Variants in NHSL2 observed in about 807,000 individuals in gnomAD.
NHSL2 encodes the protein NHS like 2.
In NHSL2, 27 loss-of-function variants were observed where a neutral mutation model predicts 53.4. That is an observed-to-expected ratio of 0.51 (90% confidence interval 0.37 to 0.70). NHSL2 has a LOEUF of 0.70. Ranked by LOEUF, NHSL2 falls within the 30% of genes least tolerant of loss-of-function variation. The pLI is 0.00. For synonymous variants in NHSL2, 408 were observed against 404.1 expected (o/e 1.01, Z -0.12); for missense variants, 892 against 980.1 (o/e 0.91, Z 1.20).
At chrX:71,991,818 TTCTCTCTCTCTC>T (rs59851052) in intron 1 of NHSL2, among the ~76,000 whole-genome samples, 8 of 99,855 alleles carry the variant, frequency 8.0e-5, no homozygotes, top group Non-Finnish European at 1.4e-4. Flanking sequence ...GTCTTTCTCT[TTCTCTCTCTCTC>T]TCTCTCTCTC....
intron 1 of NHSL2, among the ~76,000 whole-genome samples, chrX:71,939,173 G>A (rs1445410604): frequency 9.0e-6 from 1 of 111,510 alleles, no homozygotes; most frequent in Admixed American, 9.5e-5. Flanking sequence ...AGGTGGGAAG[G>A]AAGGAAGTTG....
At chrX:72,008,245 C>G (rs958520364) in intron 1 of NHSL2, among the ~76,000 whole-genome samples, 2 of 112,866 alleles carry the variant, frequency 1.8e-5, no homozygotes, top group Non-Finnish European at 3.7e-5. Flanking sequence ...TGACCCACGT[C>G]CCTATCTGCT....
At chrX:72,132,298 G>A in intron 2 of NHSL2, 64 bp downstream of exon 2, 2 of 1,013,866 alleles carry the variant, frequency 2.0e-6, no homozygotes, top group Non-Finnish European at 1.3e-6. Flanking sequence ...GCAGGAGGGA[G>A]GCAAAGAAGA....
rs1305331475 is a variant in NHSL2, at chrX:72,130,438, G to T, written c.281-1641G>T. The stretch of plus-strand genomic sequence containing the variant: ...CTTCTCCTTCATCTCTTGCTGAAAA[G>T]CCCTCATGCGCTTCCTCTGGTCCTT... On this transcript the variant is annotated intron_variant, in intron 1 of 7. Coordinates refer to ENST00000633930, the MANE Select transcript of NHSL2 (RefSeq NM_001013627.3). The T allele has an allele frequency of 3.3e-6, 4 of 1,204,218 alleles. No individual in the cohort carries two copies. In the Middle Eastern group the frequency reaches 7.0e-4, roughly 210 times the overall value.
rs1239881822 is a variant in NHSL2 at position 72,153,261 on chromosome X, A to G, written c.*9687A>G. The G allele has an allele frequency of 8.9e-6, 1 of 112,219 alleles. No individual in the cohort carries two copies. Among genetic ancestry groups the G allele is most frequent in the African/African-American group, 3.2e-5 (1 of 30,902 alleles). The allele number at this position is 112,219 out of a possible 1,213,427, so 9.2% of individuals were successfully genotyped here. A position where few individuals can be genotyped will look rare whatever the true frequency, so the allele number is the denominator to read the frequency against. On this transcript the variant is annotated 3_prime_UTR_variant, in exon 8 of 8. Transcript: ENST00000633930. Reference sequence around the variant, plus strand: ...TAGCTAGAGCTGTTTGTGTCTTCTTAAAATAAACTTTTTCTGTTAAAATCA... The same window carrying G: ...TAGCTAGAGCTGTTTGTGTCTTCTTGAAATAAACTTTTTCTGTTAAAATCA...
intron 1 of NHSL2, among the ~76,000 whole-genome samples, chrX:72,126,293 C>G (rs1273307237): frequency 9.0e-6 from 1 of 111,325 alleles, no homozygotes; most frequent in African/African-American, 3.3e-5. Context: ...GCCTGTTAGA[C>G]AGCAGGGCCA....
intron 1 of NHSL2, among the ~76,000 whole-genome samples, chrX:71,945,444 T>C (rs1034873639): frequency 8.9e-6 from 1 of 111,812 alleles, no homozygotes; most frequent in African/African-American, 3.3e-5. Context: ...TGTGAGTTCC[T>C]TCCTGAGGTT....
chrX:71,949,244 C>T (rs1161753263), intron 1 of NHSL2, among the ~76,000 whole-genome samples: 2 of 111,175 alleles, frequency 1.8e-5, no homozygotes, highest in African/African-American at 6.6e-5. Flanking sequence ...GCCAGATCCC[C>T]CAACAAGAAA....
At chrX:71,919,778 G>A in intron 1 of NHSL2, among the ~76,000 whole-genome samples, 1 of 111,736 alleles carries the variant, frequency 8.9e-6, no homozygotes, top group Non-Finnish European at 1.9e-5. Context: ...CAGAGAATAT[G>A]TGGTGCTGGC....
intron 1 of NHSL2, chrX:72,044,648 C>T: frequency 8.6e-7 from 1 of 1,167,517 alleles, no homozygotes; most frequent in Non-Finnish European, 1.2e-6. Context: ...ACAGACAAGG[C>T]CATTAAGAAA....
chrX:72,139,851 G>A lies in NHSL2; in HGVS notation c.2303G>A (p.Arg768Gln), dbSNP rs1323070321. The A allele has an allele frequency of 5.8e-6, 7 of 1,210,381 alleles. No homozygotes were observed. Among genetic ancestry groups the A allele is most frequent in the East Asian group, 3.0e-5 (1 of 33,830 alleles). Residue 768 changes from arginine to glutamine, a missense_variant, in exon 6 of 8, where the codon CGG becomes CAG. Physicochemically the swap from Arg to Gln is conservative, Grantham distance 43. Coordinates refer to ENST00000633930, the MANE Select transcript of NHSL2 (RefSeq NM_001013627.3). The part of the protein sequence containing the change: ...TSPMEKFPKS[R>Q]LSFDLPLTSS... ...CCAATGGAGAAATTTCCCAAGTCAC[G>A]GCTATCATTTGACCTACCACTGACC...
chrX:72,013,122 G>A (rs2147894091), intron 1 of NHSL2, among the ~76,000 whole-genome samples: 1 of 112,259 alleles, frequency 8.9e-6, no homozygotes, highest in East Asian at 2.8e-4. Context: ...ACATAAATTT[G>A]GGGAGAACTA....
intron 1 of NHSL2, among the ~76,000 whole-genome samples, chrX:72,107,280 T>C (rs1419902533): frequency 1.8e-5 from 2 of 110,156 alleles, no homozygotes; most frequent in Admixed American, 9.6e-5. Flanking sequence ...AAAAATTAAA[T>C]AAATAAATAA....
chrX:72,098,535 T>C (rs1277629631), intron 1 of NHSL2, among the ~76,000 whole-genome samples: 4 of 102,414 alleles, frequency 3.9e-5, no homozygotes, highest in Non-Finnish European at 5.9e-5. Context: ...GAGCGAAGAT[T>C]GCGCCACTGC....
chrX:72,120,717 G>A (rs1023419490), intron 1 of NHSL2, among the ~76,000 whole-genome samples: 7 of 112,297 alleles, frequency 6.2e-5, no homozygotes, highest in Middle Eastern at 4.6e-3. Flanking sequence ...AAGAAAATGA[G>A]TCTTTTCTAC....
rs938773540 is a variant in NHSL2, at chrX:72,107,830, C to T, written c.281-24249C>T. ...TGAATGGTGCTCCTAAAGGAAGTGG[C>T]GCATGTGAAGCGGAGAAGAGGCAGG... On this transcript the variant is annotated intron_variant, in intron 1 of 7. Transcript: ENST00000633930. 4.5e-5 allele frequency among the ~76,000 whole-genome samples: 5 copies of T among 111,576 alleles called. 1 individual carries two copies. The highest frequency in any genetic ancestry group is 9.4e-5 in the Non-Finnish European group (5 of 53,095).
chrX:71,992,086 A>G (rs2042030076), intron 1 of NHSL2, among the ~76,000 whole-genome samples: 1 of 112,806 alleles, frequency 8.9e-6, no homozygotes, highest in African/African-American at 3.2e-5. Context: ...ACAGCAACTG[A>G]GTCCCACACA....
chrX:72,051,594 C>T (rs1213062645), intron 1 of NHSL2, among the ~76,000 whole-genome samples: 2 of 111,239 alleles, frequency 1.8e-5, no homozygotes, highest in African/African-American at 6.5e-5. Context: ...CTTCTCCTAC[C>T]TCACTGCCAG....
At chrX:72,025,621 G>A (rs2042181769) in intron 1 of NHSL2, among the ~76,000 whole-genome samples, 1 of 112,610 alleles carries the variant, frequency 8.9e-6, no homozygotes, top group Admixed American at 9.4e-5. Flanking sequence ...GTGACTGCCA[G>A]CCCTTAAATG....
Sources: allele counts gnomAD v4.1 joint callset (sites outside exome capture counted in the v4.1 genomes callset), GRCh38; gene constraint gnomAD v4.1.1; transcripts MANE v1.5; gene names NCBI Gene and HGNC (gene_info 2026-07-23, HGNC 2026-07-21).